The following FRMD6 variants were observed in gnomAD, a reference collection of about 807,000 sequenced individuals.
FRMD6 encodes FERM domain-containing protein 6.
A neutral mutation model predicts 73.2 loss-of-function variants in FRMD6; 37 were observed. That is an observed-to-expected ratio of 0.51 (90% CI 0.39 to 0.66). FRMD6 has a LOEUF of 0.66. Among genes scored for constraint, FRMD6 ranks in the 30% least tolerant of loss-of-function variants. The probability of loss-of-function intolerance (pLI) is 0.00; values close to 1 mark genes in which losing one functional copy is unlikely to be tolerated. For missense variants in FRMD6, 714 were observed against 780.5 expected (o/e 0.91, Z 1.02); for synonymous variants, 273 against 282.2 (o/e 0.97, Z 0.33).
At chr14:51,424,266 G>T in the FRMD6 span, among the ~76,000 whole-genome samples, 1 of 152,190 alleles carries the variant, frequency 6.6e-6, no homozygotes, top group African/African-American at 2.4e-5. Context: ...GGACACTTTT[G>T]CTTCATTGGA....
chr14:51,593,852 T>TAC lies in FRMD6; in HGVS notation c.-147+23454_-147+23455dup, dbSNP rs202173295. Among the ~76,000 whole-genome samples, 561 of 151,912 alleles carry TAC rather than the reference T, an allele frequency of 3.7e-3. 2 individuals carry two copies. The highest frequency in any genetic ancestry group is 5.7e-3 in the Non-Finnish European group (388 of 67,942). ...ATACACACATATATCTATATATACA[T>TAC]ACACACACACACATATATATGTATA... On this transcript the variant is annotated intron_variant, in intron 2 of 14. Coordinates refer to the FRMD6 transcript ENST00000356218.
At chr14:51,714,405 T>C (rs954911264) in intron 9 of FRMD6, 1 of 152,196 alleles carries the variant, frequency 6.6e-6, no homozygotes, top group Admixed American at 6.5e-5. Flanking sequence ...AGTTAGAATA[T>C]GTCTCCGTTC....
intron 2 of FRMD6, among the ~76,000 whole-genome samples, chr14:51,643,891 C>T (rs61454141): frequency 0.02 from 3,006 of 152,264 alleles, 101 homozygotes; most frequent in African/African-American, 0.068. Context: ...ACAATAACCA[C>T]TCTAGTAAAA....
At chr14:51,620,418 G>A (rs1890883586) in intron 2 of FRMD6, among the ~76,000 whole-genome samples, 1 of 152,106 alleles carries the variant, frequency 6.6e-6, no homozygotes, top group Non-Finnish European at 1.5e-5. Flanking sequence ...CATGGTTGGG[G>A]ATTGGGCACC....
At position 51,689,704 on chromosome 14, in the gene FRMD6, G is replaced by A. The variant is rs1288674142; in HGVS notation, c.-133G>A. 20 of 662,990 alleles carry A rather than the reference G, an allele frequency of 3.0e-5. No homozygotes were observed. The East Asian group carries it at 3.2e-4, about 11-fold the overall frequency. The allele number at this position is 662,990 out of a possible 1,614,324, so 41.1% of individuals were successfully genotyped here. On this transcript the variant is annotated 5_prime_UTR_variant, in exon 2 of 14. Transcript: ENST00000344768. ...GCTTTTTCACAGCTATGAAACCCACGTAGTCGAACACCGTGATGCTTCTCC... is the reference window on the plus strand; with the variant it reads ...GCTTTTTCACAGCTATGAAACCCACATAGTCGAACACCGTGATGCTTCTCC...
chr14:51,452,601 A>G, the FRMD6 span, among the ~76,000 whole-genome samples: 1 of 152,244 alleles, frequency 6.6e-6, no homozygotes, highest in Admixed American at 6.5e-5. Flanking sequence ...TGGATAGAGT[A>G]TATTTGGGAG....
the FRMD6 span, among the ~76,000 whole-genome samples, chr14:51,412,361 T>A: frequency 6.6e-6 from 1 of 152,184 alleles, no homozygotes; most frequent in Non-Finnish European, 1.5e-5. Flanking sequence ...TTTAGAAGAT[T>A]TATTTGCCAC....
chr14:51,546,235 C>A (rs983932690), intron 1 of FRMD6, among the ~76,000 whole-genome samples: 1 of 152,004 alleles, frequency 6.6e-6, no homozygotes, highest in Non-Finnish European at 1.5e-5. Context: ...TTTGAACACA[C>A]CTTGATGCAG....
chr14:51,657,539 A>G (rs1467337125), intron 1 of FRMD6, among the ~76,000 whole-genome samples: 2 of 152,200 alleles, frequency 1.3e-5, no homozygotes, highest in Non-Finnish European at 2.9e-5. Flanking sequence ...GTAGGTCGCA[A>G]TAGGTCTTTT....
upstream of FRMD6, chr14:51,651,589 C>A (rs1314201325): frequency 6.6e-6 from 1 of 152,384 alleles, no homozygotes; most frequent in Admixed American, 6.5e-5. Context: ...GTGGTCCACA[C>A]CACCGCGTCC....
At chr14:51,691,583 TTTTGA>T (rs199944150) in intron 2 of FRMD6, among the ~76,000 whole-genome samples, 7 of 128,118 alleles carry the variant, frequency 5.5e-5, no homozygotes, top group East Asian at 2.3e-4. Context: ...TTTATTTTGA[TTTTGA>T]TTTTTTTTTT....
the FRMD6 span, among the ~76,000 whole-genome samples, chr14:51,406,683 G>C: frequency 6.6e-6 from 1 of 151,884 alleles, no homozygotes; most frequent in Non-Finnish European, 1.5e-5. Context: ...ATACTAATTA[G>C]ATCCTCCACC....
At chr14:51,714,327 ACAC>A (rs1566590225) in intron 9 of FRMD6, 13 of 151,812 alleles carry the variant, frequency 8.6e-5, no homozygotes, top group African/African-American at 3.1e-4. Context: ...TAAAAAAAAA[ACAC>A]CTCCACCTTA....
At chr14:51,564,441 T>G (rs1264347005) in intron 1 of FRMD6, among the ~76,000 whole-genome samples, 1 of 152,152 alleles carries the variant, frequency 6.6e-6, no homozygotes, top group Non-Finnish European at 1.5e-5. Flanking sequence ...GAAATTGGCC[T>G]CTTTGAGAAG....
At chr14:51,620,686 T>A (rs531951568) in intron 2 of FRMD6, among the ~76,000 whole-genome samples, 41 of 152,292 alleles carry the variant, frequency 2.7e-4, no homozygotes, top group African/African-American at 9.6e-4. Context: ...TGGATGTCTT[T>A]GGCTTGTTGA....
intron 2 of FRMD6, among the ~76,000 whole-genome samples, chr14:51,640,856 C>G (rs1428402647): frequency 1.3e-5 from 2 of 152,052 alleles, no homozygotes; most frequent in Non-Finnish European, 2.9e-5. Flanking sequence ...TCTACTAAAC[C>G]ACTTAAAAAT....
At chr14:51,592,283 C>A (rs1186605004) in intron 2 of FRMD6, among the ~76,000 whole-genome samples, 1 of 152,162 alleles carries the variant, frequency 6.6e-6, no homozygotes, top group African/African-American at 2.4e-5. Flanking sequence ...GTCCTTTGAT[C>A]AAAATATTGT....
At chr14:51,585,660 G>A (rs1246991951) in intron 2 of FRMD6, among the ~76,000 whole-genome samples, 1 of 151,636 alleles carries the variant, frequency 6.6e-6, no homozygotes, top group African/African-American at 2.4e-5. Flanking sequence ...AAGGATTAAA[G>A]GTTATAAACT....
At chr14:51,648,914 T>C (rs976386353), upstream of FRMD6, among the ~76,000 whole-genome samples, 1 of 152,214 alleles carries the variant, frequency 6.6e-6, no homozygotes, top group African/African-American at 2.4e-5. Flanking sequence ...TTTAAAATAA[T>C]GTTTCCCTGG....
Sources: gnomAD v4.1 joint callset for allele counts (sites outside exome capture counted in the v4.1 genomes callset) on GRCh38, gnomAD v4.1.1 for gene constraint, MANE v1.5 for transcripts, NCBI Gene and HGNC (gene_info 2026-07-23, HGNC 2026-07-21) for gene names.